Variants in SPOP observed in about 807,000 individuals in gnomAD.
SPOP encodes the protein speckle-type POZ protein.
In SPOP, 11 loss-of-function variants were observed where a neutral mutation model predicts 45.6. The ratio of observed to expected loss-of-function variants is 0.24; its 90% CI spans 0.15 to 0.40. The LOEUF is 0.40. Ranked by LOEUF, SPOP falls within the 10% of genes least tolerant of loss-of-function variation. The pLI, the probability that SPOP is intolerant of heterozygous loss-of-function variation, is 1.00. For missense variants in SPOP, 152 were observed against 465.6 expected, an observed-to-expected ratio of 0.33 and a Z score of 6.20; for synonymous variants, 166 against 166.3, an observed-to-expected ratio of 1.00 and a Z score of 0.01.
intron 5 of SPOP, among the ~76,000 whole-genome samples, chr17:49,614,297 CTATTA>C (rs1411981867): frequency 6.6e-6 from 1 of 152,102 alleles, no homozygotes; most frequent in Non-Finnish European, 1.5e-5. Flanking sequence ...TCACACAAGA[CTATTA>C]TATACAGCAC....
chr17:49,609,551 G>C (rs923638172), intron 6 of SPOP, among the ~76,000 whole-genome samples: 4 of 152,140 alleles, frequency 2.6e-5, no homozygotes, highest in Non-Finnish European at 5.9e-5. Flanking sequence ...AAAGGGATTG[G>C]TGAGGAAGAA....
chr17:49,660,703 G>A (rs547942923), intron 1 of SPOP, among the ~76,000 whole-genome samples: 115 of 152,150 alleles, frequency 7.6e-4, no homozygotes, highest in Non-Finnish European at 1.4e-3. Flanking sequence ...AGTGGCTCAC[G>A]CCTATAATCC....
intron 1 of SPOP, among the ~76,000 whole-genome samples, chr17:49,624,326 C>CGT (rs1567781297): frequency 5.2e-4 from 49 of 93,500 alleles, no homozygotes; most frequent in African/African-American, 1.9e-3. Context: ...CACACGCGCG[C>CGT]GCGCGCACAC....
At chr17:49,643,130 A>G (rs1240833276) in intron 1 of SPOP, among the ~76,000 whole-genome samples, 2 of 152,256 alleles carry the variant, frequency 1.3e-5, no homozygotes, top group East Asian at 1.9e-4. Context: ...TCTTAAAGAT[A>G]GTTGATATAT....
intron 1 of SPOP, among the ~76,000 whole-genome samples, chr17:49,655,035 T>A (rs2143505442): frequency 6.6e-6 from 1 of 152,178 alleles, no homozygotes; most frequent in East Asian, 1.9e-4. Flanking sequence ...AAAACTTGTA[T>A]AATTTAGTGA....
intron 7 of SPOP, 111 bp downstream of exon 7, chr17:49,607,763 T>C (rs2071882284): frequency 1.5e-5 from 16 of 1,045,792 alleles, no homozygotes; most frequent in Non-Finnish European, 2.0e-5. Context: ...GGACTCATAC[T>C]CCATTTTAGT....
intron 1 of SPOP, among the ~76,000 whole-genome samples, chr17:49,641,396 C>T (rs1873963910): frequency 6.7e-6 from 1 of 148,586 alleles, no homozygotes; most frequent in Admixed American, 6.8e-5. Context: ...AATCTGTCTT[C>T]TCTAACTGGA....
rs74780465 is a variant in SPOP at position 49,642,211 on chromosome 17, A to G, written c.-66-19335T>C. On this transcript the variant is annotated intron_variant, in intron 1 of 9. Coordinates refer to ENST00000504102, the MANE Select transcript of SPOP (RefSeq NM_001007228.2). The stretch of plus-strand genomic sequence containing the variant: ...CTATTTAAGTTTGTAAAAAGTGAGC[A>G]CATTTTACTTTTATAGTCAGAAAAA... Among the ~76,000 whole-genome samples, 492 of 152,276 alleles carry G rather than the reference A, an allele frequency of 3.2e-3. 1 individual carries two copies. The highest frequency in any genetic ancestry group is 0.011 in the African/African-American group (471 of 41,548).
chr17:49,622,048 G>A lies in SPOP; in HGVS notation c.98C>T (p.Ser33Phe). 1 of 1,613,824 alleles carries A rather than the reference G, an allele frequency of 6.2e-7. No individual in the cohort carries two copies. Among genetic ancestry groups the A allele is most frequent in the Admixed American group, 1.7e-5 (1 of 60,008 alleles). The change falls in exon 3 of 10, where the codon TCC becomes TTC. Residue 33 changes from serine (S) to phenylalanine (F), a missense_variant. Around this residue, in one of 3 missense-constraint regions of SPOP, gnomAD observed 28 missense variants for 176.8 expected, o/e 0.16. Coordinates refer to ENST00000504102, the MANE Select transcript of SPOP (RefSeq NM_001007228.2). ...CYTQIKVVKF[S>F]YMWTINNFSF... ...AAAGTTATTGATGGTCCACATGTAG[G>A]AGAATTTCACTACCTTGATCTGTTG...
At chr17:49,627,967 C>T (rs1042390419) in intron 1 of SPOP, among the ~76,000 whole-genome samples, 1 of 152,172 alleles carries the variant, frequency 6.6e-6, no homozygotes, top group African/African-American at 2.4e-5. Context: ...TAGCAGGAAC[C>T]ATGGGCAAAG....
chr17:49,674,075 A>T (rs2143589605), intron 1 of SPOP, among the ~76,000 whole-genome samples: 1 of 152,234 alleles, frequency 6.6e-6, no homozygotes, highest in Non-Finnish European at 1.5e-5. Flanking sequence ...TGAACCAGGG[A>T]GGCAGAGGTT....
At chr17:49,618,306 T>A (rs562679777) in intron 5 of SPOP, among the ~76,000 whole-genome samples, 9 of 152,330 alleles carry the variant, frequency 5.9e-5, no homozygotes, top group African/African-American at 1.7e-4. Context: ...CTAATCAGTA[T>A]ATACTCATTA....
chr17:49,670,143 A>G (rs773352135), intron 1 of SPOP, among the ~76,000 whole-genome samples: 13 of 152,232 alleles, frequency 8.5e-5, no homozygotes, highest in Non-Finnish European at 1.8e-4. Flanking sequence ...GTCATAGAGT[A>G]CCTAGGCAAC....
chr17:49,651,835 A>G (rs960339975), intron 1 of SPOP, among the ~76,000 whole-genome samples: 1 of 152,164 alleles, frequency 6.6e-6, no homozygotes, highest in Non-Finnish European at 1.5e-5. Flanking sequence ...CCTGGCCAAC[A>G]TGGTGAAACC....
At chr17:49,665,649 G>GACACACACAC (rs71352530) in intron 1 of SPOP, among the ~76,000 whole-genome samples, 6,012 of 126,662 alleles carry the variant, frequency 0.047, 217 homozygotes, top group South Asian at 0.08. Flanking sequence ...TATATATACA[G>GACACACACAC]ACACACACAC....
intron 1 of SPOP, among the ~76,000 whole-genome samples, chr17:49,648,091 G>A (rs1409890090): frequency 6.6e-6 from 1 of 152,156 alleles, no homozygotes; most frequent in Non-Finnish European, 1.5e-5. Context: ...AGTCCTGTCA[G>A]CTGTCCTGCT....
At chr17:49,612,636 TACA>T (rs939457974) in intron 5 of SPOP, 1 of 152,342 alleles carries the variant, frequency 6.6e-6, no homozygotes, top group African/African-American at 2.4e-5. Context: ...TTATAAATCA[TACA>T]ACATCATAAA....
intron 8 of SPOP, among the ~76,000 whole-genome samples, chr17:49,604,458 A>T (rs554895031): frequency 1.3e-5 from 2 of 152,316 alleles, no homozygotes; most frequent in South Asian, 4.1e-4. Flanking sequence ...CCTCCACTAT[A>T]AACACAGGCA....
At position 49,611,324 on chromosome 17, in the gene SPOP, C is replaced by A. The variant is rs1420633752; in HGVS notation, c.614G>T (p.Cys205Phe). 2 of 1,614,030 alleles carry A rather than the reference C, an allele frequency of 1.2e-6. No homozygotes were observed. Among genetic ancestry groups the A allele is most frequent in the Non-Finnish European group, 1.7e-6 (2 of 1,180,024 alleles). ...AGCCTGGAATTCCTGGCCGGCAACA[C>A]ACAAGCAGCAGTCTGTGAACCGGGA... is the stretch of plus-strand genomic sequence containing the variant. ...ENSRFTDCCL[C>F]VAGQEFQAHK... The change falls in exon 6 of 10, where the codon TGT (cysteine) becomes TTT (phenylalanine). Residue 205 changes from cysteine (C) to phenylalanine (F), a missense_variant. Physicochemically the swap from Cys to Phe is radical, Grantham distance 205. Coordinates refer to ENST00000504102, the MANE Select transcript of SPOP (RefSeq NM_001007228.2).
Sources: allele counts gnomAD v4.1 joint callset (sites outside exome capture counted in the v4.1 genomes callset), GRCh38; gene constraint gnomAD v4.1.1; regional missense constraint gnomAD v4.1.1; transcripts MANE v1.5; gene names NCBI Gene and HGNC (gene_info 2026-07-23, HGNC 2026-07-21).